The following KCNQ4 variants were observed in gnomAD, a reference collection of about 807,000 sequenced individuals.
The protein encoded by KCNQ4 is potassium voltage-gated channel subfamily Q member 4.
Under a neutral mutation model 72.6 loss-of-function variants are expected in KCNQ4, and 31 were observed. That is an observed-to-expected ratio of 0.43 (90% CI 0.32 to 0.58). The LOEUF (loss-of-function observed/expected upper bound fraction) is 0.58, where lower values mean the gene tolerates loss of function less well. Among genes scored for constraint, KCNQ4 ranks in the 20% least tolerant of loss-of-function variants. The pLI is 0.08. For missense variants in KCNQ4, 869 were observed against 962.6 expected (o/e 0.90, Z 1.29); for synonymous variants, 405 against 403.7 (o/e 1.00, Z -0.04).
intron 9 of KCNQ4, among the ~76,000 whole-genome samples, chr1:40,827,282 G>A (rs1648505710): frequency 6.6e-6 from 1 of 152,222 alleles, no homozygotes; most frequent in South Asian, 2.1e-4. Flanking sequence ...TTGCAGCTCA[G>A]TGTGATGAGT....
At chr1:40,826,066 C>T (rs1648467349) in intron 9 of KCNQ4, among the ~76,000 whole-genome samples, 1 of 152,042 alleles carries the variant, frequency 6.6e-6, no homozygotes, top group South Asian at 2.1e-4. Context: ...GATCAGTCAC[C>T]AGGCTCAGGC....
intron 1 of KCNQ4, among the ~76,000 whole-genome samples, chr1:40,798,785 C>A (rs372387943): frequency 6.6e-6 from 1 of 152,252 alleles, no homozygotes. Context: ...GCCACACCAA[C>A]CCCTGTGCCC....
At chr1:40,806,116 C>T (rs1647752573) in intron 1 of KCNQ4, among the ~76,000 whole-genome samples, 1 of 152,240 alleles carries the variant, frequency 6.6e-6, no homozygotes, top group Non-Finnish European at 1.5e-5. Context: ...GCTGGGATTA[C>T]AGGCGTGAGC....
At chr1:40,819,731 A>T (rs1648226514) in intron 5 of KCNQ4, 144 bp from the exon 6 acceptor site, 5 of 826,588 alleles carry the variant, frequency 6.0e-6, no homozygotes, top group Non-Finnish European at 1.1e-5. Context: ...CAGGAGAGGG[A>T]GAATCCATCT....
At chr1:40,789,630 G>GCCCAC (rs1647242902) in intron 1 of KCNQ4, among the ~76,000 whole-genome samples, 1 of 151,962 alleles carries the variant, frequency 6.6e-6, no homozygotes, top group Admixed American at 6.6e-5. Flanking sequence ...CTCACTGACG[G>GCCCAC]CCCACCCCAC....
In KCNQ4 at chr1:40,790,955, G is replaced by A. The variant is rs539889720; in HGVS notation, c.314+6548G>A. Among the ~76,000 whole-genome samples the A allele has an allele frequency of 2.1e-3, 320 of 152,272 alleles. 2 individuals are homozygous for A. The highest frequency in any genetic ancestry group is 5.8e-3 in the Admixed American group (88 of 15,300). On this transcript the variant is annotated intron_variant, in intron 1 of 13. Coordinates refer to ENST00000347132, the MANE Select transcript of KCNQ4 (RefSeq NM_004700.4). ...GGTGTATGCCAGAGGGCCACTGTGC[G>A]GCCGAGTTTGGGCCTCATGGTCCAA...
At chr1:40,829,375 G>A (rs1195982007) in intron 9 of KCNQ4, among the ~76,000 whole-genome samples, 1 of 152,148 alleles carries the variant, frequency 6.6e-6, no homozygotes, top group African/African-American at 2.4e-5. Context: ...CCAGTGGAGA[G>A]CATGCTGGAT....
At chr1:40,835,341 C>T (rs1013615734) in intron 12 of KCNQ4, among the ~76,000 whole-genome samples, 1 of 152,248 alleles carries the variant, frequency 6.6e-6, no homozygotes, top group Non-Finnish European at 1.5e-5. Flanking sequence ...GCCCTATTGA[C>T]TCATATGCCT....
At chr1:40,786,936 A>G (rs1398845178) in intron 1 of KCNQ4, among the ~76,000 whole-genome samples, 1 of 152,144 alleles carries the variant, frequency 6.6e-6, no homozygotes, top group Non-Finnish European at 1.5e-5. Context: ...TTGGACTCCT[A>G]GCCAGACCAT....
Position 40,788,622 on chromosome 1 carries a change from C to A in KCNQ4, c.314+4215C>A, listed in dbSNP as rs1647228215. Among the ~76,000 whole-genome samples the A allele has an allele frequency of 6.6e-6, 1 of 152,182 alleles. No individual in the cohort carries two copies. Among genetic ancestry groups the A allele is most frequent in the Non-Finnish European group, 1.5e-5 (1 of 68,030 alleles). On this transcript the variant is annotated intron_variant, in intron 1 of 13. Transcript: ENST00000347132. This position sits in a 1 kb window ranked among gnomAD's most constrained non-coding sequence, Gnocchi z 4.5. The stretch of plus-strand genomic sequence containing the variant: ...GAAGAGCCTCAGCCCGGAGCGGGGG[C>A]TGACTGGGAGCTGTTGCGCTCAGCA...
intron 1 of KCNQ4, among the ~76,000 whole-genome samples, chr1:40,802,332 G>T (rs1195602502): frequency 6.6e-6 from 1 of 152,102 alleles, no homozygotes; most frequent in Non-Finnish European, 1.5e-5. Context: ...CTTTCCGCTT[G>T]GCCCGCTGCT....
At chr1:40,799,579 G>A (rs548941955) in intron 1 of KCNQ4, among the ~76,000 whole-genome samples, 3 of 152,322 alleles carry the variant, frequency 2.0e-5, no homozygotes, top group East Asian at 1.9e-4. Context: ...TACCTGAGTT[G>A]AGGGTCCAGC....
Position 40,784,443 on chromosome 1 carries a change from C to T in KCNQ4, c.314+36C>T. Reference sequence around the variant, plus strand: ...GACCCCGCGCCCTTCCGCGTTTCCCCGCGCAAGCCTGGCCTCCCGGGGCAC... The same window carrying T: ...GACCCCGCGCCCTTCCGCGTTTCCCTGCGCAAGCCTGGCCTCCCGGGGCAC... On this transcript the variant is annotated intron_variant, in intron 1 of 13. Coordinates refer to ENST00000347132, the MANE Select transcript of KCNQ4 (RefSeq NM_004700.4). The surrounding 1 kb of genome is among the most constrained non-coding windows in gnomAD (Gnocchi z 4.1). 3 of 1,596,362 alleles carry T rather than the reference C, an allele frequency of 1.9e-6. No homozygotes were observed. The highest frequency in any genetic ancestry group is 2.6e-6 in the Non-Finnish European group (3 of 1,173,154).
chr1:40,789,677 C>T (rs1003568160), intron 1 of KCNQ4, among the ~76,000 whole-genome samples: 10 of 152,332 alleles, frequency 6.6e-5, no homozygotes, highest in Non-Finnish European at 1.5e-4. Context: ...CCATTGAAGA[C>T]GCGCTGCTAG....
At chr1:40,799,912 T>G (rs562391550) in intron 1 of KCNQ4, among the ~76,000 whole-genome samples, 1 of 152,206 alleles carries the variant, frequency 6.6e-6, no homozygotes, top group South Asian at 2.1e-4. Flanking sequence ...AGAAGCACAA[T>G]ATATAAAACA....
Position 40,817,428 on chromosome 1 carries a change from G to C in KCNQ4, c.405+73G>C, listed in dbSNP as rs879282728. ...CTCTGGGCTGGGAGTCCGGGACTGAGGGGGGCTGTGTGAGGTAGCACCTCT... is the reference window on the plus strand; with the variant it reads ...CTCTGGGCTGGGAGTCCGGGACTGACGGGGGCTGTGTGAGGTAGCACCTCT... On this transcript the variant is annotated intron_variant, in intron 2 of 13. Coordinates refer to ENST00000347132, the MANE Select transcript of KCNQ4 (RefSeq NM_004700.4). This position sits in a 1 kb window ranked among gnomAD's most constrained non-coding sequence, Gnocchi z 5.5. 2 of 1,093,158 alleles carry C rather than the reference G, an allele frequency of 1.8e-6. No homozygotes were observed. The allele number at this position is 1,093,158 out of a possible 1,614,324, so 67.7% of individuals were successfully genotyped here.
intron 1 of KCNQ4, among the ~76,000 whole-genome samples, chr1:40,799,441 C>A (rs895166052): frequency 4.6e-5 from 7 of 152,110 alleles, no homozygotes; most frequent in East Asian, 1.9e-4. Context: ...TGCCCCCCCC[C>A]TCGCTAGGCA....
intron 1 of KCNQ4, among the ~76,000 whole-genome samples, chr1:40,793,301 A>G (rs1647323947): frequency 6.6e-6 from 1 of 151,978 alleles, no homozygotes; most frequent in African/African-American, 2.4e-5. Context: ...TCCTTCTTGA[A>G]TGCAACCCCC....
intron 1 of KCNQ4, among the ~76,000 whole-genome samples, chr1:40,814,166 C>A (rs557081554): frequency 6.7e-6 from 1 of 148,328 alleles, no homozygotes; most frequent in South Asian, 2.2e-4. Flanking sequence ...TGATTCTCCT[C>A]CCTCAGCCTC....
Sources: allele counts gnomAD v4.1 joint callset (sites outside exome capture counted in the v4.1 genomes callset), GRCh38; gene constraint gnomAD v4.1.1; non-coding constraint Gnocchi (gnomAD v3.1); transcripts MANE v1.5; gene names NCBI Gene and HGNC (gene_info 2026-07-23, HGNC 2026-07-21).